Variants in RGS6 observed in about 807,000 individuals in gnomAD.
RGS6 encodes regulator of G-protein signaling 6.
Under a neutral mutation model 78.5 loss-of-function variants are expected in RGS6, and 30 were observed. The ratio of observed to expected loss-of-function variants is 0.38; its 90% CI spans 0.29 to 0.52. RGS6 has a LOEUF of 0.52. RGS6 is among the 20% of genes least tolerant of loss of function. The pLI, the probability that RGS6 is intolerant of heterozygous loss-of-function variation, is 0.85. For missense variants in RGS6, 495 were observed against 609.7 expected, an observed-to-expected ratio of 0.81 and a Z score of 1.98; for synonymous variants, 206 against 206.0, an observed-to-expected ratio of 1.00 and a Z score of 0.00.
Position 72,250,327 on chromosome 14 carries a change from C to T in RGS6, c.85-101768C>T, listed in dbSNP as rs1032214924. On this transcript the variant is annotated intron_variant, in intron 2 of 17. Coordinates refer to ENST00000553525, the MANE Select transcript of RGS6 (RefSeq NM_001204424.2). Reference sequence around the variant, plus strand: ...TCTTTAAGGAAATTTTCCTAGAAGCCTTCTTCCTTGAATTTGTAAGAAAGT... The same window carrying T: ...TCTTTAAGGAAATTTTCCTAGAAGCTTTCTTCCTTGAATTTGTAAGAAAGT... Among the ~76,000 whole-genome samples, 8 of 149,352 alleles carry T rather than the reference C, an allele frequency of 5.4e-5. No homozygotes were observed. In the South Asian group the frequency reaches 1.5e-3, roughly 28 times the overall value.
At chr14:72,200,060 TTTTA>T (rs1309664253) in intron 2 of RGS6, among the ~76,000 whole-genome samples, 5 of 152,210 alleles carry the variant, frequency 3.3e-5, no homozygotes, top group African/African-American at 1.2e-4. Flanking sequence ...CTTCTGTGTA[TTTTA>T]TTTGTTTCTC....
the RGS6 span, among the ~76,000 whole-genome samples, chr14:71,887,119 T>C: frequency 6.6e-6 from 1 of 152,156 alleles, no homozygotes; most frequent in Non-Finnish European, 1.5e-5. Context: ...GGAACGTAAA[T>C]TGTGAAGATT....
chr14:72,608,549 C>T, the RGS6 span, among the ~76,000 whole-genome samples: 2 of 152,098 alleles, frequency 1.3e-5, no homozygotes. Context: ...TATTCCCCCA[C>T]CTCTCCTGTG....
rs781203589 is a variant in RGS6 at position 72,137,886 on chromosome 14, G to T, written c.84+173011G>T. On this transcript the variant is annotated intron_variant, in intron 2 of 17. Coordinates refer to ENST00000553525, the MANE Select transcript of RGS6 (RefSeq NM_001204424.2). ...TTAAATCATTTACATAAATATGATT[G>T]ATCAACTCTTCCCTCTCAGATGTTG... Among the ~76,000 whole-genome samples the T allele has an allele frequency of 7.3e-4, 111 of 152,070 alleles. 1 individual carries two copies. The highest frequency in any genetic ancestry group is 1.1e-3 in the Non-Finnish European group (77 of 68,006).
intron 12 of RGS6, among the ~76,000 whole-genome samples, chr14:72,490,461 A>T (rs1326393692): frequency 6.6e-6 from 1 of 152,206 alleles, no homozygotes; most frequent in East Asian, 1.9e-4. Context: ...CCCAGGGAAG[A>T]TGCATACCTT....
At chr14:71,989,576 G>A (rs764009897) in intron 2 of RGS6, among the ~76,000 whole-genome samples, 1 of 152,190 alleles carries the variant, frequency 6.6e-6, no homozygotes. Context: ...AAGCTCAGGG[G>A]TAAAGAGGCC....
chr14:71,971,922 T>G (rs944417829), intron 2 of RGS6, among the ~76,000 whole-genome samples: 11 of 150,614 alleles, frequency 7.3e-5, no homozygotes, highest in Admixed American at 4.0e-4. Context: ...TTTTTTTTTT[T>G]TTTTTTTTTT....
intron 2 of RGS6, among the ~76,000 whole-genome samples, chr14:72,138,221 A>G (rs1221572369): frequency 3.3e-5 from 5 of 152,200 alleles, no homozygotes; most frequent in South Asian, 2.1e-4. Flanking sequence ...GTGAATGACA[A>G]TATAAGCTAC....
At chr14:72,366,573 C>T in intron 3 of RGS6, among the ~76,000 whole-genome samples, 1 of 152,174 alleles carries the variant, frequency 6.6e-6, no homozygotes, top group Admixed American at 6.5e-5. Context: ...AAGTCACATA[C>T]AAACCATCTC....
In RGS6 at chr14:72,495,239, T is replaced by G. The variant is rs569097360; in HGVS notation, c.942T>G (p.Val314=). 2.1e-5 allele frequency: 34 copies of G among 1,612,832 alleles called. No individual in the cohort carries two copies. Among genetic ancestry groups the G allele is most frequent in the Non-Finnish European group, 2.8e-5 (33 of 1,178,934 alleles). ...CCAACCCTTGGATCAGCGATGACGT[T>G]GCTTTGTGGGACATAGAGATGAGGT... ...EPSNPWISDD[V]ALWDIEMSKE... Residue 314 remains valine, a synonymous_variant, in exon 13 of 18, where the codon GTT becomes GTG. Coordinates refer to ENST00000553525, the MANE Select transcript of RGS6 (RefSeq NM_001204424.2).
intron 4 of RGS6, 92 bp from the exon 5 acceptor site, chr14:72,458,179 G>T: frequency 1.1e-6 from 1 of 915,026 alleles, no homozygotes; most frequent in Non-Finnish European, 1.7e-6. Flanking sequence ...ACATCTGGGG[G>T]TGATGACAGT....
At chr14:72,237,588 A>G (rs1389112080) in intron 2 of RGS6, among the ~76,000 whole-genome samples, 1 of 152,188 alleles carries the variant, frequency 6.6e-6, no homozygotes, top group Non-Finnish European at 1.5e-5. Flanking sequence ...TGTTGGAGCT[A>G]AACTAGAACC....
Position 72,100,548 on chromosome 14 carries a change from G to A in RGS6, c.84+135673G>A, listed in dbSNP as rs75336679. On this transcript the variant is annotated intron_variant, in intron 2 of 17. Coordinates refer to ENST00000553525, the MANE Select transcript of RGS6 (RefSeq NM_001204424.2). ...ACTGTAAGAAGGCTAAGAAGGCATCGTGCGGACAGGGGAGTGAAGTGTCAC... is the reference window on the plus strand; with the variant it reads ...ACTGTAAGAAGGCTAAGAAGGCATCATGCGGACAGGGGAGTGAAGTGTCAC... Among the ~76,000 whole-genome samples, 1,222 of 152,206 alleles carry A rather than the reference G, an allele frequency of 8.0e-3. 11 individuals carry two copies. Among genetic ancestry groups the A allele is most frequent in the African/African-American group, 0.028 (1,156 of 41,532 alleles).
chr14:72,547,362 T>C (rs912580407), intron 17 of RGS6: 6 of 1,532,940 alleles, frequency 3.9e-6, no homozygotes, highest in African/African-American at 2.8e-5. Context: ...CTTCAAAGGC[T>C]AAGAAGTAAG....
chr14:71,941,269 C>T (rs775957681), intron 1 of RGS6, among the ~76,000 whole-genome samples: 24 of 152,112 alleles, frequency 1.6e-4, no homozygotes, highest in Middle Eastern at 3.4e-3. Context: ...TTTTGCATAA[C>T]TCTCTAAACA....
At chr14:72,390,906 C>T (rs183800329) in intron 3 of RGS6, among the ~76,000 whole-genome samples, 199 of 152,274 alleles carry the variant, frequency 1.3e-3, no homozygotes, top group African/African-American at 4.4e-3. Flanking sequence ...ACCTGACTCT[C>T]GTAAGTTTCT....
intron 2 of RGS6, among the ~76,000 whole-genome samples, chr14:72,182,479 C>T (rs17108618): frequency 0.063 from 9,409 of 149,260 alleles, 385 homozygotes; most frequent in African/African-American, 0.12. Context: ...TTTCTATTAA[C>T]TCCAACCAAG....
At chr14:72,524,991 C>T (rs2097100781) in intron 15 of RGS6, among the ~76,000 whole-genome samples, 1 of 152,214 alleles carries the variant, frequency 6.6e-6, no homozygotes, top group Non-Finnish European at 1.5e-5. Context: ...CTGCCCTGTA[C>T]CTGGAGTGTC....
chr14:72,319,214 C>T (rs2071164262), intron 2 of RGS6, among the ~76,000 whole-genome samples: 1 of 152,144 alleles, frequency 6.6e-6, no homozygotes, highest in Non-Finnish European at 1.5e-5. Context: ...CAAAAGATAA[C>T]ATTACCATGA....
Sources: allele counts gnomAD v4.1 joint callset (sites outside exome capture counted in the v4.1 genomes callset), GRCh38; gene constraint gnomAD v4.1.1; transcripts MANE v1.5; gene names NCBI Gene and HGNC (gene_info 2026-07-23, HGNC 2026-07-21).